The following ADAM12 variants were observed in gnomAD, a reference collection of about 807,000 sequenced individuals.
ADAM12 encodes the protein disintegrin and metalloproteinase domain-containing protein 12.
Under a neutral mutation model 106.4 loss-of-function variants are expected in ADAM12, and 70 were observed. That is an observed-to-expected ratio of 0.66 (90% CI 0.54 to 0.80). The LOEUF (loss-of-function observed/expected upper bound fraction) is 0.80. Ranked by LOEUF, ADAM12 falls within the 30% of genes least tolerant of loss-of-function variation. The probability of loss-of-function intolerance (pLI) is 0.00; values close to 1 mark genes in which losing one functional copy is unlikely to be tolerated. For missense variants in ADAM12, 1,010 were observed against 1,171.9 expected (o/e 0.86, Z 2.02); for synonymous variants, 420 against 433.5 (o/e 0.97, Z 0.39).
chr10:126,332,975 AT>A (rs1157827569), intron 1 of ADAM12, among the ~76,000 whole-genome samples: 3 of 152,180 alleles, frequency 2.0e-5, no homozygotes, highest in Non-Finnish European at 4.4e-5. Context: ...TGTTATTGGA[AT>A]TGGATTAAGG....
rs374092205 is a variant in ADAM12, at chr10:126,152,326, G to A, written c.339+2901C>T. On this transcript the variant is annotated intron_variant, in intron 4 of 22. Transcript: ENST00000448723. ...TCAGAAATCCTTTAATTAGGAGCTG[G>A]GCTAAAGCTTAGTTCTAGATGAATC... 3.9e-5 allele frequency among the ~76,000 whole-genome samples: 6 copies of A among 151,972 alleles called. No individual in the cohort carries two copies. The East Asian group carries it at 1.2e-3, about 29-fold the overall frequency.
intron 3 of ADAM12, among the ~76,000 whole-genome samples, chr10:126,192,806 G>C (rs1957527098): frequency 6.6e-6 from 1 of 152,234 alleles, no homozygotes; most frequent in African/African-American, 2.4e-5. Context: ...ATTTCAGCAT[G>C]TGACTATCTG....
intron 21 of ADAM12, among the ~76,000 whole-genome samples, chr10:126,020,917 C>T (rs748654530): frequency 2.8e-5 from 4 of 142,292 alleles, no homozygotes; most frequent in Non-Finnish European, 4.5e-5. Context: ...CGCTTGAACC[C>T]GGGAGGCAGA....
intron 1 of ADAM12, among the ~76,000 whole-genome samples, chr10:126,347,685 A>T (rs1245035159): frequency 6.6e-6 from 1 of 152,160 alleles, no homozygotes; most frequent in Non-Finnish European, 1.5e-5. Flanking sequence ...ACTGAAATTG[A>T]GCCTTTTCAT....
intron 3 of ADAM12, among the ~76,000 whole-genome samples, chr10:126,180,887 A>G (rs149924155): frequency 1.8e-3 from 275 of 152,322 alleles, no homozygotes; most frequent in Non-Finnish European, 2.9e-3. Flanking sequence ...ATTATTTAAC[A>G]ATCAGCCACA....
At chr10:126,218,265 A>T (rs1464814851) in intron 3 of ADAM12, among the ~76,000 whole-genome samples, 1 of 152,180 alleles carries the variant, frequency 6.6e-6, no homozygotes, top group Non-Finnish European at 1.5e-5. Flanking sequence ...TGCCCCGACA[A>T]CAGGCGTAAC....
chr10:126,179,614 G>C (rs944265622), intron 3 of ADAM12, among the ~76,000 whole-genome samples: 1 of 152,180 alleles, frequency 6.6e-6, no homozygotes, highest in Non-Finnish European at 1.5e-5. Context: ...ACATTATGTA[G>C]GTGATCTTGG....
At chr10:126,175,061 T>C (rs1410391986) in intron 3 of ADAM12, among the ~76,000 whole-genome samples, 1 of 152,144 alleles carries the variant, frequency 6.6e-6, no homozygotes, top group East Asian at 1.9e-4. Flanking sequence ...CGGCCACCCA[T>C]TTTTATTAAA....
intron 3 of ADAM12, among the ~76,000 whole-genome samples, chr10:126,198,319 C>A (rs1957635635): frequency 6.6e-6 from 1 of 152,168 alleles, no homozygotes; most frequent in Admixed American, 6.5e-5. Context: ...AGGTCTGTAC[C>A]TTTTTCTGGT....
intron 19 of ADAM12, 33 bp from the exon 20 acceptor site, chr10:126,038,382 G>T: frequency 6.7e-7 from 1 of 1,488,586 alleles, no homozygotes; most frequent in Non-Finnish European, 9.0e-7. Context: ...CTGACCAAGC[G>T]TGTTTCCCCT....
At chr10:126,281,632 C>T (rs1959586486) in intron 2 of ADAM12, among the ~76,000 whole-genome samples, 1 of 152,132 alleles carries the variant, frequency 6.6e-6, no homozygotes, top group Non-Finnish European at 1.5e-5. Flanking sequence ...CCACTAATTG[C>T]CTTAGACTTC....
At chr10:126,287,079 C>T (rs1453945644) in intron 2 of ADAM12, among the ~76,000 whole-genome samples, 1 of 152,156 alleles carries the variant, frequency 6.6e-6, no homozygotes, top group African/African-American at 2.4e-5. Flanking sequence ...CCGTCGCTAC[C>T]GGTGTGATTG....
intron 1 of ADAM12, among the ~76,000 whole-genome samples, chr10:126,357,315 T>G (rs1590820603): frequency 6.6e-6 from 1 of 152,084 alleles, no homozygotes; most frequent in East Asian, 1.9e-4. Flanking sequence ...ATATTCAAAG[T>G]GCTGAGGGAG....
intron 1 of ADAM12, among the ~76,000 whole-genome samples, chr10:126,335,064 G>A (rs12413904): frequency 0.27 from 40,399 of 152,190 alleles, 5,679 homozygotes; most frequent in Middle Eastern, 0.33. Context: ...CATGAAATCC[G>A]TCTTAGATAT....
In ADAM12 at chr10:126,388,220, G is replaced by C. The variant is rs1333890801; in HGVS notation, c.-75C>G. 2.9e-5 allele frequency: 35 copies of C among 1,191,962 alleles called. No individual in the cohort carries two copies. Among genetic ancestry groups the C allele is most frequent in the Non-Finnish European group, 3.6e-5 (35 of 962,204 alleles). The allele number at this position is 1,191,962 out of a possible 1,614,324, so 73.8% of individuals were successfully genotyped here. A position where few individuals can be genotyped will look rare whatever the true frequency, so the allele number is the denominator to read the frequency against. On this transcript the variant is annotated 5_prime_UTR_variant, in exon 1 of 23. Transcript: ENST00000448723. The surrounding 1 kb of genome is among the most constrained non-coding windows in gnomAD (Gnocchi z 4.4). Reference sequence around the variant, plus strand: ...CACCATCCCACGCGGGCGCCGAGCCGGGGCCGGGCGTCGCGACCGGAGGGA... The same window carrying C: ...CACCATCCCACGCGGGCGCCGAGCCCGGGCCGGGCGTCGCGACCGGAGGGA...
At chr10:126,149,984 C>G (rs1238176835) in intron 4 of ADAM12, among the ~76,000 whole-genome samples, 1 of 152,184 alleles carries the variant, frequency 6.6e-6, no homozygotes, top group Non-Finnish European at 1.5e-5. Context: ...CTGACTAATA[C>G]TAATACAGAT....
At chr10:126,093,172 T>C (rs913394864) in intron 11 of ADAM12, among the ~76,000 whole-genome samples, 4 of 152,176 alleles carry the variant, frequency 2.6e-5, no homozygotes, top group African/African-American at 4.8e-5. Flanking sequence ...GAAGATAGCA[T>C]TGTATCCAGC....
intron 3 of ADAM12, among the ~76,000 whole-genome samples, chr10:126,274,131 C>T (rs4412676): frequency 0.65 from 98,665 of 151,922 alleles, 34,625 homozygotes; most frequent in Non-Finnish European, 0.79. Context: ...GAGGAGTGCT[C>T]ATCGATGCCT....
chr10:126,086,706 T>TATATATATATATATATATAA (rs1421464288), intron 11 of ADAM12, among the ~76,000 whole-genome samples: 8 of 65,194 alleles, frequency 1.2e-4, no homozygotes, highest in African/African-American at 4.7e-4. Context: ...TATATATATA[T>TATATATATATATATATATAA]AAAATAAAAT....
Sources: gnomAD v4.1 joint callset for allele counts (sites outside exome capture counted in the v4.1 genomes callset) on GRCh38, gnomAD v4.1.1 for gene constraint, Gnocchi (gnomAD v3.1) non-coding constraint, MANE v1.5 for transcripts, NCBI Gene and HGNC (gene_info 2026-07-23, HGNC 2026-07-21) for gene names.